The following ZNF433 variants were observed in gnomAD, a reference collection of about 807,000 sequenced individuals.
ZNF433 encodes the protein zinc finger protein 433.
In ZNF433, 12 loss-of-function variants were observed where a neutral mutation model predicts 10.6. That is an observed-to-expected ratio of 1.13 (90% CI 0.72 to 1.83). The LOEUF (loss-of-function observed/expected upper bound fraction) is 1.83. Ranked by LOEUF, ZNF433 falls within the 40% of genes most tolerant of loss-of-function variation. ZNF433 has a pLI of 0.00. For missense variants in ZNF433, 737 were observed against 798.0 expected, an observed-to-expected ratio of 0.92 and a Z score of 0.92; for synonymous variants, 272 against 271.3, an observed-to-expected ratio of 1.00 and a Z score of -0.02.
chr19:12,024,868 A>G, intron 1 of ZNF433: 1 of 152,226 alleles, frequency 6.6e-6, no homozygotes, highest in East Asian at 1.9e-4. Flanking sequence ...CATGGATATG[A>G]TCCTGGAAAA....
chr19:12,016,548 T>C lies in ZNF433; in HGVS notation c.310A>G (p.Ser104Gly), dbSNP rs1301676877. 8 of 1,614,080 alleles carry C rather than the reference T, an allele frequency of 5.0e-6. No individual in the cohort carries two copies. Among genetic ancestry groups the C allele is most frequent in the African/African-American group, 2.7e-5 (2 of 74,936 alleles). ...TTTGVKSCES[S>G]VYGEVGSAHS... The stretch of plus-strand genomic sequence containing the variant: ...GCACTGCCTACTTCTCCATACACAC[T>C]GCTTTCGCATGATTTTACTCCAGTA... The change falls in exon 4 of 4, where the codon AGT (serine) becomes GGT (glycine). Residue 104 changes from serine to glycine, a missense_variant. Ser to Gly is a moderately conservative substitution (Grantham distance 56). Transcript: ENST00000550507.
Position 12,016,451 on chromosome 19 carries a change from T to C in ZNF433, c.407A>G (p.Gln136Arg). The change falls in exon 4 of 4, where the codon CAG (glutamine) becomes CGG (arginine). Residue 136 changes from glutamine (Q) to arginine (R), a missense_variant. Physicochemically the swap from Gln to Arg is conservative, Grantham distance 43 (BLOSUM62 1). Transcript: ENST00000550507. Reference protein sequence around the residue: ...HKAYEYQEYGQKPYKCKYCKK... With the variant: ...HKAYEYQEYGRKPYKCKYCKK... ...ACAGTATTTACATTTATATGGTTTCTGTCCATATTCTTGATACTCATATGC... is the reference window on the plus strand; with the variant it reads ...ACAGTATTTACATTTATATGGTTTCCGTCCATATTCTTGATACTCATATGC... 6.2e-7 allele frequency: 1 copy of C among 1,614,172 alleles called. No individual in the cohort carries two copies. Among genetic ancestry groups the C allele is most frequent in the Non-Finnish European group, 8.5e-7 (1 of 1,180,030 alleles).
chr19:12,018,351 ATACT>A (rs752492320), intron 1 of ZNF433, 59 bp from the exon 2 acceptor site: 2 of 1,557,288 alleles, frequency 1.3e-6, no homozygotes, highest in African/African-American at 1.4e-5. Context: ...TGGGAAGCCT[ATACT>A]CTATTCCCAA....
chr19:12,023,482 G>T (rs1444369180), intron 1 of ZNF433: 2 of 152,108 alleles, frequency 1.3e-5, no homozygotes, highest in Non-Finnish European at 2.9e-5. Flanking sequence ...ACGAACAGGA[G>T]GATTTGGAAG....
At chr19:12,027,416 G>A (rs1212781236) in intron 1 of ZNF433, among the ~76,000 whole-genome samples, 1 of 152,216 alleles carries the variant, frequency 6.6e-6, no homozygotes, top group Non-Finnish European at 1.5e-5. Flanking sequence ...TGTTCATGAT[G>A]GCTATGATGC....
chr19:12,030,081 CAAAAAA>C (rs74180055), intron 1 of ZNF433: 176 of 204,706 alleles, frequency 8.6e-4, no homozygotes, highest in East Asian at 2.7e-3. Context: ...GACTCCATCT[CAAAAAA>C]AAAAAAAAAA....
intron 1 of ZNF433, among the ~76,000 whole-genome samples, chr19:12,032,624 T>C (rs1200988662): frequency 6.6e-6 from 1 of 151,856 alleles, no homozygotes; most frequent in Non-Finnish European, 1.5e-5. Flanking sequence ...GTTGGGATTA[T>C]AGGCATGCAC....
intron 1 of ZNF433, among the ~76,000 whole-genome samples, chr19:12,033,360 G>A (rs949118908): frequency 1.3e-5 from 2 of 152,146 alleles, no homozygotes; most frequent in Admixed American, 6.5e-5. Context: ...ACCTCCCAAA[G>A]TGTTGGGATT....
chr19:12,022,175 C>A (rs1317876628), intron 1 of ZNF433: 1 of 380,718 alleles, frequency 2.6e-6, no homozygotes. Flanking sequence ...GGTAGAAAAC[C>A]ACTTAAAGGT....
chr19:12,028,347 A>G (rs1459074852), intron 1 of ZNF433, among the ~76,000 whole-genome samples: 1 of 152,242 alleles, frequency 6.6e-6, no homozygotes, highest in Non-Finnish European at 1.5e-5. Context: ...TAAAAATAAA[A>G]TATGATATAA....
At chr19:12,023,339 T>G (rs1197589511) in intron 1 of ZNF433, 1 of 152,210 alleles carries the variant, frequency 6.6e-6, no homozygotes, top group Non-Finnish European at 1.5e-5. Flanking sequence ...TGCAAGTACA[T>G]ACAGGAGTCA....
At chr19:12,019,652 T>A (rs951529030) in intron 1 of ZNF433, among the ~76,000 whole-genome samples, 1 of 152,156 alleles carries the variant, frequency 6.6e-6, no homozygotes, top group African/African-American at 2.4e-5. Context: ...CTTCACAAAA[T>A]CAAAGAGCCA....
intron 1 of ZNF433, among the ~76,000 whole-genome samples, chr19:12,029,104 G>A (rs1290063231): frequency 6.6e-6 from 1 of 152,158 alleles, no homozygotes; most frequent in African/African-American, 2.4e-5. Flanking sequence ...TCACTGTGAT[G>A]TAATCTCTCT....
chr19:12,021,186 T>C (rs905521979), intron 1 of ZNF433, among the ~76,000 whole-genome samples: 1 of 151,976 alleles, frequency 6.6e-6, no homozygotes, highest in Admixed American at 6.6e-5. Context: ...TTTCACCATG[T>C]TGGCCAAGCT....
chr19:12,031,317 A>AAAAC (rs1975015804), intron 1 of ZNF433, among the ~76,000 whole-genome samples: 15 of 116,966 alleles, frequency 1.3e-4, no homozygotes, highest in African/African-American at 5.7e-4. Context: ...AAAACAAAAC[A>AAAAC]AAAAAAAAAA....
intron 1 of ZNF433, chr19:12,034,470 T>A (rs1375126253): frequency 1.4e-5 from 3 of 211,012 alleles, no homozygotes; most frequent in African/African-American, 6.9e-5. Context: ...CCTTTAGGAG[T>A]TTCCACATAG....
At chr19:12,035,508 G>C in intron 1 of ZNF433, 29 bp downstream of exon 1, 1 of 1,567,978 alleles carries the variant, frequency 6.4e-7, no homozygotes, top group East Asian at 2.4e-5. Flanking sequence ...CTCCTCCCCC[G>C]CCTCGGGACC....
chr19:12,017,746 G>T, intron 3 of ZNF433, 130 bp downstream of exon 3: 1 of 686,210 alleles, frequency 1.5e-6, no homozygotes, highest in Non-Finnish European at 2.4e-6. Context: ...TGTGTTTAGA[G>T]AAAATTTTCT....
At chr19:12,026,601 A>T (rs576254279) in intron 1 of ZNF433, 1 of 420,154 alleles carries the variant, frequency 2.4e-6, no homozygotes, top group Non-Finnish European at 4.7e-6. Flanking sequence ...TTCTGGTCTC[A>T]GTATTTACCA....
Sources: allele counts gnomAD v4.1 joint callset (sites outside exome capture counted in the v4.1 genomes callset), GRCh38; gene constraint gnomAD v4.1.1; transcripts MANE v1.5; gene names NCBI Gene and HGNC (gene_info 2026-07-23, HGNC 2026-07-21).